Variants in MPP7 observed in about 807,000 individuals in gnomAD.
MPP7 encodes MAGUK p55 subfamily member 7.
A neutral mutation model predicts 76.5 loss-of-function variants in MPP7; 60 were observed. The observed-to-expected ratio is 0.78, with a 90% CI of 0.64 to 0.97. The LOEUF (loss-of-function observed/expected upper bound fraction) is 0.97, where lower values mean the gene tolerates loss of function less well. MPP7 is among the 50% of genes least tolerant of loss of function. MPP7 has a pLI of 0.00. For missense variants in MPP7, 641 were observed against 694.0 expected, an observed-to-expected ratio of 0.92 and a Z score of 0.86; for synonymous variants, 237 against 244.5, an observed-to-expected ratio of 0.97 and a Z score of 0.29.
At chr10:28,227,948 G>A (rs1292655543) in intron 2 of MPP7, among the ~76,000 whole-genome samples, 1 of 152,164 alleles carries the variant, frequency 6.6e-6, no homozygotes, top group African/African-American at 2.4e-5. Context: ...CAGGATAAAA[G>A]CATTCTTATT....
intron 2 of MPP7, among the ~76,000 whole-genome samples, chr10:28,313,638 C>T (rs1189050087): frequency 3.3e-5 from 5 of 152,030 alleles, no homozygotes; most frequent in African/African-American, 9.7e-5. Context: ...CAGAGAAGAA[C>T]GATTTATGAA....
chr10:28,183,161 C>T (rs542255909), intron 3 of MPP7, among the ~76,000 whole-genome samples: 1 of 152,242 alleles, frequency 6.6e-6, no homozygotes, highest in Admixed American at 6.5e-5. Flanking sequence ...AGTTTTAAAA[C>T]AGACGAAATA....
At chr10:28,230,823 T>C (rs985057276) in intron 2 of MPP7, among the ~76,000 whole-genome samples, 4 of 151,922 alleles carry the variant, frequency 2.6e-5, no homozygotes, top group African/African-American at 7.3e-5. Context: ...CTCAAATAAA[T>C]AAATAAATAA....
At chr10:28,312,401 G>C (rs1480774316) in intron 2 of MPP7, among the ~76,000 whole-genome samples, 2 of 151,990 alleles carry the variant, frequency 1.3e-5, no homozygotes, top group African/African-American at 4.8e-5. Flanking sequence ...AGCGCTAATT[G>C]GTGCATTTTA....
intron 3 of MPP7, among the ~76,000 whole-genome samples, chr10:28,197,336 C>A (rs1279182639): frequency 6.6e-6 from 1 of 152,056 alleles, no homozygotes; most frequent in African/African-American, 2.4e-5. Context: ...GAATGTGCCA[C>A]CATGCCTGGC....
chr10:28,245,742 C>T (rs573311186), intron 1 of MPP7, among the ~76,000 whole-genome samples: 1 of 151,052 alleles, frequency 6.6e-6, no homozygotes, highest in African/African-American at 2.4e-5. Context: ...AGCAACCTGT[C>T]AGGAAAGGGA....
chr10:28,167,032 C>T (rs2997205), intron 3 of MPP7, among the ~76,000 whole-genome samples: 121,531 of 152,012 alleles, frequency 0.8, 48,952 homozygotes, highest in Middle Eastern at 0.85. Context: ...CTAGTGGGGC[C>T]GGGCATGGTA....
At chr10:28,134,219 T>G (rs773244292) in intron 5 of MPP7, among the ~76,000 whole-genome samples, 7 of 152,140 alleles carry the variant, frequency 4.6e-5, no homozygotes, top group Non-Finnish European at 8.8e-5. Flanking sequence ...CCATTCCAAG[T>G]GTATAGCGGT....
intron 2 of MPP7, among the ~76,000 whole-genome samples, chr10:28,222,041 A>G (rs1838526826): frequency 1.3e-5 from 2 of 152,162 alleles, no homozygotes; most frequent in Non-Finnish European, 2.9e-5. Context: ...TTGAAGGACA[A>G]AAAAGTTCAT....
chr10:28,192,669 T>A (rs1385840465), intron 3 of MPP7, among the ~76,000 whole-genome samples: 1 of 152,196 alleles, frequency 6.6e-6, no homozygotes, highest in Admixed American at 6.5e-5. Flanking sequence ...TGGTCAGGAA[T>A]ACACAATATT....
chr10:28,266,801 A>G (rs1200437154), intron 1 of MPP7, among the ~76,000 whole-genome samples: 5 of 152,182 alleles, frequency 3.3e-5, no homozygotes. Flanking sequence ...CTGTTTCTCA[A>G]TAGTCAGTAA....
At chr10:28,194,040 A>C (rs1262972990) in intron 3 of MPP7, among the ~76,000 whole-genome samples, 4 of 152,164 alleles carry the variant, frequency 2.6e-5, no homozygotes, top group African/African-American at 2.4e-5. Context: ...TTTGAAACAG[A>C]GTCTCACTCT....
intron 1 of MPP7, among the ~76,000 whole-genome samples, chr10:28,270,520 T>TAA (rs1208377769): frequency 0.046 from 2,781 of 59,812 alleles, 206 homozygotes; most frequent in Middle Eastern, 0.14. Flanking sequence ...ACTATCTCTT[T>TAA]AAAAAAAAAA....
At chr10:28,123,075 T>C (rs1834895688) in intron 8 of MPP7, among the ~76,000 whole-genome samples, 1 of 152,186 alleles carries the variant, frequency 6.6e-6, no homozygotes, top group Non-Finnish European at 1.5e-5. Flanking sequence ...ATCTATGAAA[T>C]GTTCCACTGT....
At chr10:28,328,876 GTC>G (rs1326755825) in intron 2 of MPP7, among the ~76,000 whole-genome samples, 2 of 152,076 alleles carry the variant, frequency 1.3e-5, no homozygotes, top group South Asian at 2.1e-4. Context: ...CCATTACGAT[GTC>G]TCTTTCTTTT....
intron 11 of MPP7, among the ~76,000 whole-genome samples, chr10:28,111,615 A>T (rs1253826715): frequency 1.3e-5 from 2 of 152,244 alleles, no homozygotes; most frequent in African/African-American, 4.8e-5. Context: ...TCCTTAACAT[A>T]TCTAAATATC....
chr10:28,123,462 CTTT>C (rs200098933), intron 8 of MPP7, among the ~76,000 whole-genome samples: 385 of 92,496 alleles, frequency 4.2e-3, no homozygotes, highest in Middle Eastern at 0.022. Flanking sequence ...GTACTAAATT[CTTT>C]TTTTTTTTTT....
intron 2 of MPP7, among the ~76,000 whole-genome samples, chr10:28,329,481 T>G (rs1039018133): frequency 6.6e-6 from 1 of 152,028 alleles, no homozygotes; most frequent in Non-Finnish European, 1.5e-5. Context: ...ACAAAAAAAT[T>G]AGCTGGGCGT....
intron 3 of MPP7, among the ~76,000 whole-genome samples, chr10:28,172,327 C>A (rs1187022388): frequency 2.0e-5 from 3 of 152,210 alleles, no homozygotes; most frequent in Admixed American, 2.0e-4. Flanking sequence ...ACGAAAAAAT[C>A]TTAAAAACAG....
Sources: gnomAD v4.1 joint callset for allele counts (sites outside exome capture counted in the v4.1 genomes callset) on GRCh38, gnomAD v4.1.1 for gene constraint, MANE v1.5 for transcripts, NCBI Gene and HGNC (gene_info 2026-07-23, HGNC 2026-07-21) for gene names.